MYT1L: variants seen among roughly 807,000 people sequenced by gnomAD.
MYT1L encodes myelin transcription factor 1-like protein.
MYT1L carries 12 observed loss-of-function variants against 126.7 expected under a neutral mutation model. The observed-to-expected ratio is 0.09, with a 90% confidence interval of 0.06 to 0.15. The LOEUF (loss-of-function observed/expected upper bound fraction) is 0.15. MYT1L is among the 10% of genes least tolerant of loss of function. MYT1L has a pLI of 1.00. For synonymous variants in MYT1L, 541 were observed against 604.2 expected (o/e 0.90, Z 1.53); for missense variants, 979 against 1,585.2 (o/e 0.62, Z 6.49).
At chr2:2,215,271 T>C (rs2093645885) in intron 2 of MYT1L, among the ~76,000 whole-genome samples, 1 of 152,222 alleles carries the variant, frequency 6.6e-6, no homozygotes, top group Admixed American at 6.5e-5. Context: ...TTGAATTAGA[T>C]ACAATGTAAG....
chr2:1,930,512 G>A (rs1184636930), intron 9 of MYT1L, among the ~76,000 whole-genome samples: 1 of 152,148 alleles, frequency 6.6e-6, no homozygotes, highest in Non-Finnish European at 1.5e-5. Context: ...TTCAAATACT[G>A]GTGAGGTACC....
At chr2:2,324,641 C>T (rs537604679) in intron 1 of MYT1L, 27 of 152,854 alleles carry the variant, frequency 1.8e-4, no homozygotes, top group Admixed American at 1.5e-3. Flanking sequence ...GTGCAGCCTC[C>T]ATCAAAAGGC....
At chr2:1,861,224 G>A (rs1182938725) in intron 18 of MYT1L, among the ~76,000 whole-genome samples, 1 of 152,098 alleles carries the variant, frequency 6.6e-6, no homozygotes, top group African/African-American at 2.4e-5. Flanking sequence ...GCATGGGGAC[G>A]GCCACTTCCT....
intron 3 of MYT1L, among the ~76,000 whole-genome samples, chr2:2,078,549 A>T (rs763450553): frequency 6.6e-6 from 1 of 152,248 alleles, no homozygotes; most frequent in Non-Finnish European, 1.5e-5. Flanking sequence ...CACTAGTATC[A>T]GACACAAAAG....
intron 8 of MYT1L, among the ~76,000 whole-genome samples, chr2:1,953,282 G>A (rs944659522): frequency 1.3e-5 from 2 of 152,194 alleles, no homozygotes; most frequent in Admixed American, 1.3e-4. Flanking sequence ...TTTTTAAGAA[G>A]TTAAACTATT....
intron 2 of MYT1L, among the ~76,000 whole-genome samples, chr2:2,199,108 T>C (rs913158571): frequency 1.1e-4 from 16 of 152,276 alleles, no homozygotes; most frequent in African/African-American, 3.6e-4. Flanking sequence ...TTTAAAAAAA[T>C]GAGTAGGCTT....
chr2:2,170,588 G>C (rs934566158), intron 3 of MYT1L, among the ~76,000 whole-genome samples: 10 of 152,156 alleles, frequency 6.6e-5, no homozygotes, highest in African/African-American at 2.2e-4. Context: ...ATTATGTGAA[G>C]ATGTATTTTC....
chr2:2,287,826 AT>A (rs1258134149), intron 1 of MYT1L, among the ~76,000 whole-genome samples: 2 of 152,348 alleles, frequency 1.3e-5, no homozygotes, highest in East Asian at 3.9e-4. Context: ...TGCCATGGAA[AT>A]TGTAATAGCA....
chr2:1,911,690 G>T (rs543261588), intron 12 of MYT1L, among the ~76,000 whole-genome samples: 4 of 152,284 alleles, frequency 2.6e-5, no homozygotes, highest in African/African-American at 9.6e-5. Context: ...TCCAGGCCAC[G>T]TCCTGTCCAA....
intron 2 of MYT1L, among the ~76,000 whole-genome samples, chr2:2,195,129 T>C (rs1276203934): frequency 6.6e-6 from 1 of 152,206 alleles, no homozygotes; most frequent in Admixed American, 6.5e-5. Flanking sequence ...CAGAGAGAAA[T>C]CCAGAGAGTA....
At chr2:2,111,401 G>A (rs558880300) in intron 3 of MYT1L, among the ~76,000 whole-genome samples, 9 of 152,336 alleles carry the variant, frequency 5.9e-5, no homozygotes, top group African/African-American at 1.7e-4. Context: ...ATGGACGAGA[G>A]GGAAGTGGTA....
intron 2 of MYT1L, among the ~76,000 whole-genome samples, chr2:2,209,024 A>ACC (rs1553562674): frequency 3.3e-5 from 5 of 150,302 alleles, no homozygotes; most frequent in African/African-American, 1.2e-4. Context: ...ACACACACAC[A>ACC]CCCCAAATAG....
At chr2:2,045,350 C>T (rs2068049295) in intron 4 of MYT1L, among the ~76,000 whole-genome samples, 1 of 152,206 alleles carries the variant, frequency 6.6e-6, no homozygotes, top group East Asian at 1.9e-4. Context: ...CCTTAAGGTG[C>T]TGAAACAGCA....
intron 4 of MYT1L, among the ~76,000 whole-genome samples, chr2:2,033,723 C>T (rs1026032433): frequency 2.6e-5 from 4 of 152,274 alleles, no homozygotes; most frequent in Non-Finnish European, 4.4e-5. Context: ...TCTCCAGGGA[C>T]GGTGATTGGC....
In MYT1L at chr2:1,886,624, G is replaced by A. The variant is rs762809075; in HGVS notation, c.2643-17C>T. On this transcript the variant is annotated splice_polypyrimidine_tract_variant and intron_variant, in intron 17 of 24. Transcript: ENST00000647738. ...CCAGACAGACTGTAAGACAGGCCGG[G>A]ACAGGCAGGTCAGTCAACTGCGAAG... 1.3e-6 allele frequency: 2 copies of A among 1,536,760 alleles called. No individual in the cohort carries two copies. Among genetic ancestry groups the A allele is most frequent in the South Asian group, 1.3e-5 (1 of 78,324 alleles).
In MYT1L at chr2:2,277,730, G is replaced by A. The variant is rs115528411; in HGVS notation, c.-421+6674C>T. 1.2e-3 allele frequency among the ~76,000 whole-genome samples: 182 copies of A among 152,130 alleles called. 1 individual carries two copies. The highest frequency in any genetic ancestry group is 4.3e-3 in the African/African-American group (177 of 41,486). Reference sequence around the variant, plus strand: ...TGTTATGTAAAGGTAAACTACAAATGGTCATATAACAATTGTAATTATAGA... The same window carrying A: ...TGTTATGTAAAGGTAAACTACAAATAGTCATATAACAATTGTAATTATAGA... On this transcript the variant is annotated intron_variant, in intron 2 of 24. Transcript: ENST00000647738.
In MYT1L at chr2:1,790,578, T is replaced by C. The variant is rs1357576271; in HGVS notation, c.*1289A>G. On this transcript the variant is annotated 3_prime_UTR_variant, in exon 25 of 25. Transcript: ENST00000647738. ...AGAATAGTCACAAGAAATCAAACAA[T>C]GAGGCTCTGCAAATGCTCTATGGTC... The C allele has an allele frequency of 6.6e-6, 1 of 152,272 alleles. No individual in the cohort carries two copies. The highest frequency in any genetic ancestry group is 1.5e-5 in the Non-Finnish European group (1 of 68,068). 9.4% of individuals were successfully genotyped at this position (152,272 alleles called of 1,614,324 possible).
rs199885446 is a variant in MYT1L, at chr2:1,861,732, T to C, written c.2712-10029A>G. On this transcript the variant is annotated intron_variant, in intron 18 of 24. Coordinates refer to ENST00000647738, the MANE Select transcript of MYT1L (RefSeq NM_001303052.2). Reference sequence around the variant, plus strand: ...TGCAGCCTATGTAATCCTGGATCTGTGTGCAGCCTGTGTAATCCTGGATAC... The same window carrying C: ...TGCAGCCTATGTAATCCTGGATCTGCGTGCAGCCTGTGTAATCCTGGATAC... 1.6e-3 allele frequency among the ~76,000 whole-genome samples: 203 copies of C among 126,258 alleles called. No individual in the cohort carries two copies. In the East Asian group the frequency reaches 0.017, roughly 11 times the overall value. The allele number at this position is 126,258 out of a possible 152,430, so 82.8% of individuals were successfully genotyped here. A position where few individuals can be genotyped will look rare whatever the true frequency, so the allele number is the denominator to read the frequency against.
chr2:2,070,123 G>A (rs1268023626), intron 3 of MYT1L, among the ~76,000 whole-genome samples: 1 of 151,900 alleles, frequency 6.6e-6, no homozygotes. Flanking sequence ...AAATCTAGCT[G>A]ATCCTTTTTT....
Sources: gnomAD v4.1 joint callset for allele counts (sites outside exome capture counted in the v4.1 genomes callset) on GRCh38, gnomAD v4.1.1 for gene constraint, MANE v1.5 for transcripts, NCBI Gene and HGNC (gene_info 2026-07-23, HGNC 2026-07-21) for gene names.